The following IPO5 variants were observed in gnomAD, a reference collection of about 807,000 sequenced individuals.
IPO5 encodes the protein importin 5.
Under a neutral mutation model 143.3 loss-of-function variants are expected in IPO5, and 18 were observed. The ratio of observed to expected loss-of-function variants is 0.13; its 90% confidence interval spans 0.09 to 0.19. IPO5 has a LOEUF of 0.19. IPO5 is among the 10% of genes least tolerant of loss of function. The probability of loss-of-function intolerance (pLI) is 1.00; values close to 1 mark genes in which losing one functional copy is unlikely to be tolerated. For missense variants in IPO5, 1,013 were observed against 1,336.9 expected (o/e 0.76, Z 3.78); for synonymous variants, 477 against 465.7 (o/e 1.02, Z -0.31).
chr13:97,987,980 C>A, intron 6 of IPO5: 1 of 299,418 alleles, frequency 3.3e-6, no homozygotes, highest in Non-Finnish European at 7.4e-6. Context: ...TATTTTATTT[C>A]CCCTCAAAGC....
chr13:98,012,645 T>C (rs1396209320), intron 21 of IPO5, among the ~76,000 whole-genome samples: 5 of 152,096 alleles, frequency 3.3e-5, no homozygotes, highest in Non-Finnish European at 7.4e-5. Flanking sequence ...AAATATCTTT[T>C]GGTAAACGTT....
intron 16 of IPO5, among the ~76,000 whole-genome samples, chr13:98,004,989 G>A (rs1484453590): frequency 3.9e-5 from 6 of 151,924 alleles, no homozygotes; most frequent in African/African-American, 9.7e-5. Context: ...GCCGTCTCCC[G>A]GGTTCAAGCC....
intron 7 of IPO5, 87 bp downstream of exon 7, chr13:97,989,251 C>T (rs1306751754): frequency 1.7e-5 from 11 of 662,720 alleles, no homozygotes; most frequent in Non-Finnish European, 2.5e-5. Flanking sequence ...CCTAATTTAA[C>T]CTTATACTTA....
At chr13:97,989,844 C>T (rs1437508609) in intron 7 of IPO5, among the ~76,000 whole-genome samples, 4 of 152,190 alleles carry the variant, frequency 2.6e-5, no homozygotes, top group Admixed American at 2.0e-4. Flanking sequence ...CCATCCTGCA[C>T]TCCAGGTCAG....
chr13:98,016,732 GATA>G lies in IPO5; in HGVS notation c.2500_2502del (p.Asn834del). On this transcript the variant is annotated inframe_deletion, in exon 25 of 29. Transcript: ENST00000651721. Reference sequence around the variant, plus strand: ...TTTATGTGTATGTTTTTTTTAGGATGATAATGATGTTTATATTCTGACCAAAGT... The same window carrying G: ...TTTATGTGTATGTTTTTTTTAGGATGATGATGTTTATATTCTGACCAAAGT... The G allele has an allele frequency of 7.1e-7, 1 of 1,406,222 alleles. No homozygotes were observed. Among genetic ancestry groups the G allele is most frequent in the Non-Finnish European group, 9.6e-7 (1 of 1,036,638 alleles). 87.1% of individuals were successfully genotyped at this position (1,406,222 alleles called of 1,614,324 possible).
chr13:98,020,037 T>G (rs1890373914), intron 27 of IPO5: 1 of 387,832 alleles, frequency 2.6e-6, no homozygotes, highest in East Asian at 4.2e-5. Flanking sequence ...GAAATTAGAT[T>G]CAACAGATGA....
intron 17 of IPO5, among the ~76,000 whole-genome samples, chr13:98,006,948 C>T (rs1159741798): frequency 6.6e-6 from 1 of 150,976 alleles, no homozygotes; most frequent in Non-Finnish European, 1.5e-5. Flanking sequence ...TCACTGCAAC[C>T]TCTGCCTCCT....
intron 27 of IPO5, among the ~76,000 whole-genome samples, chr13:98,020,537 C>G (rs1415940624): frequency 6.6e-6 from 1 of 152,194 alleles, no homozygotes; most frequent in African/African-American, 2.4e-5. Context: ...TTGGAAACGA[C>G]TACTCTGAAA....
rs1032913126 is a variant in IPO5, at chr13:98,022,571, A to G, written c.*749A>G. ...AATGATCTAATATTTTTTTAAAGTAATAGCTATCAGTAATAGCTGAGTGTT... is the reference window on the plus strand; with the variant it reads ...AATGATCTAATATTTTTTTAAAGTAGTAGCTATCAGTAATAGCTGAGTGTT... On this transcript the variant is annotated 3_prime_UTR_variant, in exon 29 of 29. Coordinates refer to ENST00000651721, the MANE Select transcript of IPO5 (RefSeq NM_002271.6). The G allele has an allele frequency of 4.6e-5, 7 of 152,434 alleles. No homozygotes were observed. Among genetic ancestry groups the G allele is most frequent in the East Asian group, 1.9e-4 (1 of 5,188 alleles). The allele number at this position is 152,434 out of a possible 1,614,324, so 9.4% of individuals were successfully genotyped here.
intron 3 of IPO5, among the ~76,000 whole-genome samples, chr13:97,975,421 G>A (rs1886192269): frequency 6.6e-6 from 1 of 152,134 alleles, no homozygotes; most frequent in South Asian, 2.1e-4. Flanking sequence ...AACCCGGGAG[G>A]CAGAGGTTGC....
At chr13:97,977,597 CT>C (rs952922970) in intron 4 of IPO5, among the ~76,000 whole-genome samples, 15 of 152,272 alleles carry the variant, frequency 9.9e-5, no homozygotes, top group African/African-American at 3.4e-4. Context: ...ACCGTAATCT[CT>C]TTTTTTCAAA....
chr13:98,012,748 A>G (rs1044635892), intron 21 of IPO5, among the ~76,000 whole-genome samples: 12 of 151,548 alleles, frequency 7.9e-5, no homozygotes, highest in African/African-American at 2.7e-4. Context: ...TGAAACCACA[A>G]CTTCCCAAGT....
chr13:98,015,630 A>T lies in IPO5; in HGVS notation c.2426A>T (p.Glu809Val). ...AKLEEHFKNQ[E>V]LRQVKRQDED... is the part of the protein sequence containing the mutation. ...CTTGAAGAACATTTTAAAAATCAAG[A>T]ATTACGACAAGGTAAGTTTTCCATG... is the stretch of plus-strand genomic sequence containing the variant. Residue 809 changes from glutamate to valine, a missense_variant, in exon 23 of 29, where the codon GAA becomes GTA. Physicochemically the swap from Glu to Val is moderately radical, Grantham distance 121. This residue lies in a region of IPO5 where 685 missense variants were observed against 994.9 expected (regional missense o/e 0.69). Coordinates refer to ENST00000651721, the MANE Select transcript of IPO5 (RefSeq NM_002271.6). The T allele has an allele frequency of 6.2e-7, 1 of 1,605,544 alleles. No individual in the cohort carries two copies. The highest frequency in any genetic ancestry group is 8.5e-7 in the Non-Finnish European group (1 of 1,173,730).
chr13:97,956,121 G>A (rs1884442992), intron 2 of IPO5, among the ~76,000 whole-genome samples: 1 of 141,638 alleles, frequency 7.1e-6, no homozygotes. Context: ...GACAGTGCGA[G>A]ACTCCGTGTC....
intron 17 of IPO5, among the ~76,000 whole-genome samples, chr13:98,006,891 A>C (rs1372436470): frequency 6.9e-6 from 1 of 145,046 alleles, no homozygotes; most frequent in Admixed American, 6.9e-5. Context: ...TTTGAGACCA[A>C]GTCTCACTCT....
rs767189271 is a variant in IPO5, at chr13:98,019,812, A to G, written c.3065+3A>G. 3 of 1,586,130 alleles carry G rather than the reference A, an allele frequency of 1.9e-6. No individual in the cohort carries two copies. The East Asian group carries it at 6.7e-5, about 35-fold the overall frequency. Reference sequence around the variant, plus strand: ...TATCTGTGTGACCTGATTGAAAGGTAGGAAAGCAGACTGTGACCTTATTTC... The same window carrying G: ...TATCTGTGTGACCTGATTGAAAGGTGGGAAAGCAGACTGTGACCTTATTTC... On this transcript the variant is annotated splice_donor_region_variant and intron_variant, in intron 27 of 28. Transcript: ENST00000651721.
chr13:97,981,986 A>G (rs1318994346), intron 4 of IPO5: 1 of 153,782 alleles, frequency 6.5e-6, no homozygotes, highest in East Asian at 1.9e-4. Context: ...AGGTTTTAGT[A>G]TGATCCTTGC....
Position 98,023,967 on chromosome 13 carries a change from G to A in IPO5, c.*2145G>A, listed in dbSNP as rs954476510. ...TCTATGCAAGATGAAAATCCATGGA[G>A]TTTTTTCTTGGCTTTTGTACCAAAT... is the stretch of plus-strand genomic sequence containing the variant. On this transcript the variant is annotated 3_prime_UTR_variant, in exon 29 of 29. Transcript: ENST00000651721. 2.0e-5 allele frequency: 3 copies of A among 152,132 alleles called. No individual in the cohort carries two copies. Among genetic ancestry groups the A allele is most frequent in the African/African-American group, 7.2e-5 (3 of 41,416 alleles). 9.4% of individuals were successfully genotyped at this position (152,132 alleles called of 1,614,324 possible).
intron 5 of IPO5, 84 bp downstream of exon 5, chr13:97,982,667 A>G: frequency 1.1e-6 from 1 of 891,962 alleles, no homozygotes; most frequent in East Asian, 2.5e-5. Flanking sequence ...GAGAAATGAG[A>G]ATTGTGATTA....
Sources: gnomAD v4.1 joint callset for allele counts (sites outside exome capture counted in the v4.1 genomes callset) on GRCh38, gnomAD v4.1.1 for gene constraint, gnomAD v4.1.1 regional missense constraint, MANE v1.5 for transcripts, NCBI Gene and HGNC (gene_info 2026-07-23, HGNC 2026-07-21) for gene names.